Variants in PCDH15 observed in about 807,000 individuals in gnomAD.
PCDH15 encodes the protein protocadherin-15.
Under a neutral mutation model 178.5 loss-of-function variants are expected in PCDH15, and 129 were observed. That is an observed-to-expected ratio of 0.72 (90% CI 0.63 to 0.84). PCDH15 has a LOEUF of 0.84. Ranked by LOEUF, PCDH15 falls within the 40% of genes least tolerant of loss-of-function variation. PCDH15 has a pLI of 0.00. For synonymous variants in PCDH15, 800 were observed against 732.0 expected (o/e 1.09, Z -1.50); for missense variants, 2,230 against 2,099.9 (o/e 1.06, Z -1.21).
At chr10:53,822,482 G>A (rs749880602) in intron 32 of PCDH15, 2 of 1,609,502 alleles carry the variant, frequency 1.2e-6, no homozygotes, top group Non-Finnish European at 1.7e-6. Context: ...GAGGAGGAGG[G>A]GGAAGGGGAC....
intron 2 of PCDH15, among the ~76,000 whole-genome samples, chr10:55,139,886 T>G (rs981570349): frequency 6.6e-6 from 1 of 152,028 alleles, no homozygotes; most frequent in African/African-American, 2.4e-5. Flanking sequence ...ATCTTTGCTA[T>G]GTTGATTCTT....
At chr10:54,638,094 T>C (rs1222436254) in intron 2 of PCDH15, among the ~76,000 whole-genome samples, 1 of 151,964 alleles carries the variant, frequency 6.6e-6, no homozygotes, top group Non-Finnish European at 1.5e-5. Flanking sequence ...AGACTCCCCC[T>C]CCACCCTGTG....
At chr10:54,608,720 C>T (rs777599393) in intron 2 of PCDH15, among the ~76,000 whole-genome samples, 21 of 151,880 alleles carry the variant, frequency 1.4e-4, no homozygotes, top group Non-Finnish European at 2.2e-4. Context: ...CTGACTTTCA[C>T]ATTGAATTAA....
At chr10:55,442,484 T>TATATATTATATATATATA (rs1839217357) in intron 2 of PCDH15, among the ~76,000 whole-genome samples, 1 of 123,080 alleles carries the variant, frequency 8.1e-6, no homozygotes, top group African/African-American at 3.4e-5. Context: ...ATATATATTA[T>TATATATTATATATATATA]ATATATATAT....
chr10:54,333,852 T>C (rs745354328), intron 6 of PCDH15, among the ~76,000 whole-genome samples: 26 of 152,094 alleles, frequency 1.7e-4, no homozygotes, highest in Non-Finnish European at 3.4e-4. Flanking sequence ...AGTCTAAGAG[T>C]GACTGCACTC....
intron 1 of PCDH15, among the ~76,000 whole-genome samples, chr10:54,681,053 A>G (rs969637417): frequency 2.6e-5 from 4 of 152,304 alleles, no homozygotes; most frequent in African/African-American, 9.6e-5. Context: ...AGTGGGGAGC[A>G]TGCCAGCCAT....
intron 1 of PCDH15, among the ~76,000 whole-genome samples, chr10:54,788,525 G>T (rs77927809): frequency 0.035 from 5,235 of 151,518 alleles, 256 homozygotes; most frequent in African/African-American, 0.12. Flanking sequence ...AAGGCTGGAG[G>T]GGAAAAAAAT....
chr10:54,594,042 A>G (rs1461627518), intron 2 of PCDH15, among the ~76,000 whole-genome samples: 4 of 152,044 alleles, frequency 2.6e-5, no homozygotes, highest in Admixed American at 1.3e-4. Context: ...GGAATGCTGC[A>G]TGTGGCTACC....
chr10:54,425,029 A>AGAAAATGTGCTTTTTCAACAGGTAGGTT (rs1956099025), intron 3 of PCDH15, among the ~76,000 whole-genome samples: 1 of 151,776 alleles, frequency 6.6e-6, no homozygotes, highest in Non-Finnish European at 1.5e-5. Flanking sequence ...AAAAAAGAAA[A>AGAAAATGTGCTTTTTCAACAGGTAGGTT]GAAAATGTGC....
intron 3 of PCDH15, among the ~76,000 whole-genome samples, chr10:54,889,571 A>G (rs2131814438): frequency 6.7e-6 from 1 of 150,112 alleles, no homozygotes; most frequent in East Asian, 2.0e-4. Context: ...TTCTCTCTGC[A>G]TATGAAAAAG....
At chr10:54,587,718 T>C (rs1376863997) in intron 2 of PCDH15, among the ~76,000 whole-genome samples, 2 of 152,154 alleles carry the variant, frequency 1.3e-5, no homozygotes, top group Non-Finnish European at 2.9e-5. Flanking sequence ...AAACTATTAG[T>C]AAACATTTTT....
At position 54,317,356 on chromosome 10, in the gene PCDH15, A is replaced by G. The variant is rs545749103; in HGVS notation, c.791T>C (p.Met264Thr). ...DVLDGDDLGP[M>T]FLPCVLVPNT... ...TGGCACAAGGACACAAGGAAGAAAC[A>G]TTGGACCCAAGTCATCTCCATCCAG... is the stretch of plus-strand genomic sequence containing the variant. Residue 264 changes from methionine to threonine, a missense_variant, in exon 8 of 38, where the codon ATG (methionine) becomes ACG (threonine). By Grantham distance (81) the Met-to-Thr change is moderately conservative (BLOSUM62 -1). Coordinates refer to ENST00000644397, the MANE Select transcript of PCDH15 (RefSeq NM_001384140.1). 1.1e-5 allele frequency: 18 copies of G among 1,614,012 alleles called. No homozygotes were observed. Among genetic ancestry groups the G allele is most frequent in the African/African-American group, 5.3e-5 (4 of 75,028 alleles).
At chr10:55,412,608 A>G (rs1176518362) in intron 2 of PCDH15, among the ~76,000 whole-genome samples, 3 of 152,000 alleles carry the variant, frequency 2.0e-5, no homozygotes, top group South Asian at 2.1e-4. Flanking sequence ...TGGCTAAAGT[A>G]TAAGGTAGAG....
rs139104747 is a variant in PCDH15 at position 54,132,949 on chromosome 10, G to T, written c.1843C>A (p.Arg615Ser). Residue 615 changes from arginine (R) to serine (S), a missense_variant, in exon 15 of 38, where the codon CGC becomes AGC. Physicochemically the swap from Arg to Ser is moderately radical, Grantham distance 110. Coordinates refer to ENST00000644397, the MANE Select transcript of PCDH15 (RefSeq NM_001384140.1). The part of the protein sequence containing the change: ...VLPPNNQSPP[R>S]FPQLMYSLEI... ...AGGCTATACATCAGCTGTGGGAAGC[G>T]AGGAGGGCTTTGATTATTTGGTGGA... 1.9e-6 allele frequency: 3 copies of T among 1,614,060 alleles called. No homozygotes were observed. The Admixed American group carries it at 5.0e-5, about 27-fold the overall frequency.
chr10:55,601,560 A>G (rs1423059369), intron 2 of PCDH15, among the ~76,000 whole-genome samples: 1 of 152,170 alleles, frequency 6.6e-6, no homozygotes, highest in East Asian at 1.9e-4. Flanking sequence ...AGTGATGTTA[A>G]TTAGGTGGAT....
At chr10:55,100,573 G>C (rs984107577) in intron 2 of PCDH15, among the ~76,000 whole-genome samples, 3 of 152,142 alleles carry the variant, frequency 2.0e-5, no homozygotes, top group Non-Finnish European at 4.4e-5. Flanking sequence ...ATGTTGGAAG[G>C]GGAAGGGGAG....
At chr10:55,359,718 G>GTATA (rs1491242158) in intron 2 of PCDH15, among the ~76,000 whole-genome samples, 1 of 92,386 alleles carries the variant, frequency 1.1e-5, no homozygotes, top group African/African-American at 4.5e-5. Context: ...AGAAAATGTG[G>GTATA]TGTATATATA....
intron 2 of PCDH15, among the ~76,000 whole-genome samples, chr10:54,650,967 A>G (rs2094245804): frequency 6.6e-6 from 1 of 152,158 alleles, no homozygotes; most frequent in East Asian, 1.9e-4. Context: ...ATAAGTAGGA[A>G]CATTACTTAA....
intron 1 of PCDH15, among the ~76,000 whole-genome samples, chr10:54,773,474 C>T (rs887234868): frequency 6.6e-6 from 1 of 152,184 alleles, no homozygotes; most frequent in East Asian, 1.9e-4. Context: ...TGAGATTTGG[C>T]TGATGGTACA....
Sources: gnomAD v4.1 joint callset for allele counts (sites outside exome capture counted in the v4.1 genomes callset) on GRCh38, gnomAD v4.1.1 for gene constraint, MANE v1.5 for transcripts, NCBI Gene and HGNC (gene_info 2026-07-23, HGNC 2026-07-21) for gene names.